MARK4: variants seen among roughly 807,000 people sequenced by gnomAD.
MARK4 encodes the protein MAP/microtubule affinity-regulating kinase 4.
A neutral mutation model predicts 81.5 loss-of-function variants in MARK4; 19 were observed. The observed-to-expected ratio is 0.23, with a 90% confidence interval of 0.16 to 0.34. MARK4 has a LOEUF of 0.34. Among genes scored for constraint, MARK4 ranks in the 10% least tolerant of loss-of-function variants. MARK4 has a pLI of 1.00. For missense variants in MARK4, 772 were observed against 1,058.8 expected (o/e 0.73, Z 3.76); for synonymous variants, 436 against 439.0 (o/e 0.99, Z 0.08).
At chr19:45,262,275 T>A (rs1319467058) in intron 2 of MARK4, among the ~76,000 whole-genome samples, 1 of 136,206 alleles carries the variant, frequency 7.3e-6, no homozygotes, top group East Asian at 2.2e-4. Flanking sequence ...TGCAGTGAGC[T>A]ATGATCACAC....
chr19:45,293,310 A>C (rs1970842681), intron 13 of MARK4, among the ~76,000 whole-genome samples: 1 of 152,156 alleles, frequency 6.6e-6, no homozygotes, highest in Non-Finnish European at 1.5e-5. Flanking sequence ...CCCTGGTAAA[A>C]ATCAATTAAG....
chr19:45,269,313 A>G (rs1345998228), intron 7 of MARK4, among the ~76,000 whole-genome samples: 1 of 152,150 alleles, frequency 6.6e-6, no homozygotes, highest in Non-Finnish European at 1.5e-5. Flanking sequence ...CAGGAGGAAG[A>G]GGTTACAGTG....
chr19:45,265,752 T>G (rs1970445120), intron 6 of MARK4, among the ~76,000 whole-genome samples: 1 of 149,750 alleles, frequency 6.7e-6, no homozygotes, highest in Middle Eastern at 3.2e-3. Flanking sequence ...GCCAGGTGTG[T>G]GGGGTAAGAG....
chr19:45,251,565 C>A lies in MARK4; in HGVS notation c.-24C>A. On this transcript the variant is annotated 5_prime_UTR_variant, in exon 1 of 17. Coordinates refer to ENST00000262891, the MANE Select transcript of MARK4 (RefSeq NM_001199867.2). Reference sequence around the variant, plus strand: ...CCCCCGCCCCCCCCACCCGGCCGCCCCTGCCCCCCGGGACCCGGAGAAGAT... The same window carrying A: ...CCCCCGCCCCCCCCACCCGGCCGCCACTGCCCCCCGGGACCCGGAGAAGAT... The A allele has an allele frequency of 7.4e-7, 1 of 1,343,910 alleles. No individual in the cohort carries two copies. Among genetic ancestry groups the A allele is most frequent in the Non-Finnish European group, 9.7e-7 (1 of 1,033,800 alleles). The allele number at this position is 1,343,910 out of a possible 1,614,324, so 83.2% of individuals were successfully genotyped here. A position where few individuals can be genotyped will look rare whatever the true frequency, so the allele number is the denominator to read the frequency against.
intron 16 of MARK4, among the ~76,000 whole-genome samples, chr19:45,301,490 G>C (rs1970971275): frequency 6.7e-6 from 1 of 148,856 alleles, no homozygotes; most frequent in Non-Finnish European, 1.5e-5. Context: ...CCGGGAAGCA[G>C]AGGTTGCAGT....
intron 1 of MARK4, among the ~76,000 whole-genome samples, chr19:45,256,267 G>A (rs1259573288): frequency 6.6e-6 from 1 of 152,210 alleles, no homozygotes; most frequent in Non-Finnish European, 1.5e-5. Context: ...ATGAAACCTC[G>A]TCTCTACTAA....
intron 7 of MARK4, among the ~76,000 whole-genome samples, chr19:45,266,893 C>A (rs1039968292): frequency 6.6e-6 from 1 of 151,230 alleles, no homozygotes; most frequent in Non-Finnish European, 1.5e-5. Context: ...CCACCAAGCC[C>A]GGCTAATTTT....
At chr19:45,263,438 G>C in intron 4 of MARK4, 71 bp downstream of exon 4, 1 of 1,597,988 alleles carries the variant, frequency 6.3e-7, no homozygotes, top group South Asian at 1.1e-5. Flanking sequence ...GGTGGTGGCA[G>C]TGGTTAGAAT....
intron 13 of MARK4, 92 bp downstream of exon 13, chr19:45,287,756 C>T (rs1568500781): frequency 7.2e-7 from 1 of 1,390,300 alleles, no homozygotes; most frequent in African/African-American, 1.4e-5. Flanking sequence ...AGACGGAACT[C>T]CTTCTTACCA....
chr19:45,277,906 T>G lies in MARK4; in HGVS notation c.787-17T>G. On this transcript the variant is annotated splice_polypyrimidine_tract_variant and intron_variant, in intron 8 of 16. Transcript: ENST00000262891. Reference sequence around the variant, plus strand: ...GGGCGGGGCAGACCCCCTCCTCCAGTAACCCCATCCCTGCAGGAGCTGCGG... The same window carrying G: ...GGGCGGGGCAGACCCCCTCCTCCAGGAACCCCATCCCTGCAGGAGCTGCGG... 6.4e-7 allele frequency: 1 copy of G among 1,567,090 alleles called. No individual in the cohort carries two copies.
In MARK4 at chr19:45,303,935, A is replaced by T. The variant is rs959992921; in HGVS notation, c.*1225A>T. 1 of 152,304 alleles carries T rather than the reference A, an allele frequency of 6.6e-6. No individual in the cohort carries two copies. Among genetic ancestry groups the T allele is most frequent in the South Asian group, 2.1e-4 (1 of 4,838 alleles). 9.4% of individuals were successfully genotyped at this position (152,304 alleles called of 1,614,324 possible). On this transcript the variant is annotated 3_prime_UTR_variant, in exon 17 of 17. Transcript: ENST00000262891. ...AAGCCCAGAAGTGGGAGTATGTGGTATATCTTCAGAGAACTGGGTAATTTC... is the reference window on the plus strand; with the variant it reads ...AAGCCCAGAAGTGGGAGTATGTGGTTTATCTTCAGAGAACTGGGTAATTTC...
Position 45,259,120 on chromosome 19 carries a change from G to A in MARK4, c.183G>A (p.Leu61=), listed in dbSNP as rs1369336287. ...AGCCCCACGTGGGCAACTACCGCCT[G>A]CTGAGGACCATTGGGAAGGGCAACT... The part of the protein sequence containing the change: ...EEQPHVGNYR[L]LRTIGKGNFA... The change falls in exon 2 of 17, where the codon CTG becomes CTA. Residue 61 remains leucine, a synonymous_variant. Coordinates refer to ENST00000262891, the MANE Select transcript of MARK4 (RefSeq NM_001199867.2). 6.2e-7 allele frequency: 1 copy of A among 1,614,176 alleles called. No individual in the cohort carries two copies.
intron 13 of MARK4, among the ~76,000 whole-genome samples, chr19:45,289,446 A>T (rs1012537042): frequency 3.3e-5 from 5 of 150,664 alleles, no homozygotes; most frequent in Non-Finnish European, 7.4e-5. Flanking sequence ...AAATACTTAT[A>T]GTTATCCTTT....
chr19:45,278,096 A>G, intron 9 of MARK4, 54 bp downstream of exon 9: 1 of 1,600,486 alleles, frequency 6.2e-7, no homozygotes, highest in Admixed American at 1.8e-5. Flanking sequence ...GACTCCCCTA[A>G]ACTCTGCCTG....
chr19:45,286,106 A>T (rs1970739220), intron 12 of MARK4, among the ~76,000 whole-genome samples: 2 of 152,000 alleles, frequency 1.3e-5, no homozygotes, highest in Non-Finnish European at 2.9e-5. Flanking sequence ...GCCAGACTGG[A>T]GTGCAATGGT....
intron 2 of MARK4, 113 bp from the exon 3 acceptor site, chr19:45,263,000 A>G (rs1970399218): frequency 1.6e-6 from 2 of 1,271,050 alleles, no homozygotes; most frequent in Non-Finnish European, 2.2e-6. Flanking sequence ...CCTGGCCTCA[A>G]GTGATCCTCC....
chr19:45,260,959 G>A (rs539164532), intron 2 of MARK4, among the ~76,000 whole-genome samples: 24 of 152,250 alleles, frequency 1.6e-4, no homozygotes, highest in Non-Finnish European at 2.9e-4. Context: ...GCCTAGATAT[G>A]AGGTCTCTAA....
At chr19:45,282,780 C>T (rs547318177) in intron 12 of MARK4, among the ~76,000 whole-genome samples, 22 of 151,966 alleles carry the variant, frequency 1.4e-4, no homozygotes, top group Admixed American at 3.3e-4. Context: ...GCCGAGATCA[C>T]GCCACTGCAC....
At position 45,286,834 on chromosome 19, in the gene MARK4, C is replaced by T. The variant is rs551404457; in HGVS notation, c.1277-613C>T. 3.9e-5 allele frequency among the ~76,000 whole-genome samples: 6 copies of T among 152,292 alleles called. No individual in the cohort carries two copies. The East Asian group carries it at 7.7e-4, about 20-fold the overall frequency. On this transcript the variant is annotated intron_variant, in intron 12 of 16. Coordinates refer to ENST00000262891, the MANE Select transcript of MARK4 (RefSeq NM_001199867.2). ...ATATAAGCAAGTAGATATAGATACA[C>T]ACTTTTTTGCTTTTGTAGACAAATG...
Sources: gnomAD v4.1 joint callset for allele counts (sites outside exome capture counted in the v4.1 genomes callset) on GRCh38, gnomAD v4.1.1 for gene constraint, MANE v1.5 for transcripts, NCBI Gene and HGNC (gene_info 2026-07-23, HGNC 2026-07-21) for gene names.